SLC7A1: variants seen among roughly 807,000 people sequenced by gnomAD.
SLC7A1 encodes high affinity cationic amino acid transporter 1.
A neutral mutation model predicts 53.9 loss-of-function variants in SLC7A1; 10 were observed. The observed-to-expected ratio is 0.19, with a 90% CI of 0.11 to 0.31. SLC7A1 has a LOEUF of 0.31. Ranked by LOEUF, SLC7A1 falls within the 10% of genes least tolerant of loss-of-function variation. The pLI is 1.00. For synonymous variants in SLC7A1, 342 were observed against 338.7 expected (o/e 1.01, Z -0.11); for missense variants, 525 against 827.2 (o/e 0.63, Z 4.48).
chr13:29,553,480 G>A (rs1870293825), intron 2 of SLC7A1, among the ~76,000 whole-genome samples: 1 of 152,140 alleles, frequency 6.6e-6, no homozygotes, highest in South Asian at 2.1e-4. Flanking sequence ...GCCAGCCGTA[G>A]GATATGAAGA....
At chr13:29,542,458 A>T (rs1238327633) in intron 2 of SLC7A1, among the ~76,000 whole-genome samples, 1 of 151,976 alleles carries the variant, frequency 6.6e-6, no homozygotes, top group African/African-American at 2.4e-5. Flanking sequence ...CTGTCTCAAA[A>T]AAAAAGACTA....
intron 1 of SLC7A1, among the ~76,000 whole-genome samples, chr13:29,571,187 A>G (rs1871175016): frequency 6.6e-6 from 1 of 152,244 alleles, no homozygotes; most frequent in Non-Finnish European, 1.5e-5. Context: ...TGTAATCACC[A>G]AAGTACTATA....
chr13:29,568,594 C>A (rs966055321), intron 1 of SLC7A1, among the ~76,000 whole-genome samples: 15 of 152,230 alleles, frequency 9.9e-5, no homozygotes, highest in African/African-American at 3.6e-4. Flanking sequence ...ACAAAGCACA[C>A]AGGGGAGTGA....
intron 1 of SLC7A1, among the ~76,000 whole-genome samples, chr13:29,580,446 T>C (rs1375088878): frequency 6.6e-6 from 1 of 152,108 alleles, no homozygotes; most frequent in African/African-American, 2.4e-5. Flanking sequence ...ATCTATTCCA[T>C]GTTACCCCTC....
At chr13:29,527,175 A>G (rs1303396966) in intron 5 of SLC7A1, among the ~76,000 whole-genome samples, 1 of 152,260 alleles carries the variant, frequency 6.6e-6, no homozygotes, top group Non-Finnish European at 1.5e-5. Flanking sequence ...AAACAGAAAT[A>G]AAATATACAT....
intron 2 of SLC7A1, among the ~76,000 whole-genome samples, chr13:29,552,254 C>CACACACAG (rs1491349280): frequency 2.1e-5 from 3 of 140,390 alleles, no homozygotes; most frequent in African/African-American, 7.7e-5. Context: ...CACACACACA[C>CACACACAG]AGACACACAC....
chr13:29,560,662 A>G (rs1870717242), intron 1 of SLC7A1, among the ~76,000 whole-genome samples: 1 of 152,180 alleles, frequency 6.6e-6, no homozygotes, highest in Admixed American at 6.5e-5. Context: ...CCAAAAACAC[A>G]TGAGTAACGT....
intron 3 of SLC7A1, among the ~76,000 whole-genome samples, chr13:29,533,438 T>C (rs1399566305): frequency 6.6e-6 from 1 of 152,206 alleles, no homozygotes; most frequent in African/African-American, 2.4e-5. Flanking sequence ...GCCTCTTTTC[T>C]AGGAACCCCT....
At chr13:29,531,989 T>C (rs1223514310) in intron 4 of SLC7A1, among the ~76,000 whole-genome samples, 1 of 152,148 alleles carries the variant, frequency 6.6e-6, no homozygotes, top group African/African-American at 2.4e-5. Flanking sequence ...CCCTCTCAGG[T>C]TTATTAAAAT....
intron 2 of SLC7A1, 134 bp from the exon 3 acceptor site, chr13:29,536,336 A>G: frequency 1.1e-6 from 1 of 931,198 alleles, no homozygotes; most frequent in Non-Finnish European, 1.6e-6. Context: ...TTTAATTCGT[A>G]GAATTCCACC....
chr13:29,537,172 G>A (rs1356120775), intron 2 of SLC7A1, among the ~76,000 whole-genome samples: 2 of 152,228 alleles, frequency 1.3e-5, no homozygotes, highest in Non-Finnish European at 2.9e-5. Flanking sequence ...GGATGGAAGG[G>A]TGGGGGTGGG....
intron 1 of SLC7A1, among the ~76,000 whole-genome samples, chr13:29,581,646 G>C (rs781191381): frequency 2.6e-5 from 4 of 152,198 alleles, no homozygotes; most frequent in African/African-American, 4.8e-5. Context: ...TTACGGGCAA[G>C]GGTCCCTGGA....
In SLC7A1 at chr13:29,563,777, AGATGCT is replaced by A. The variant is rs201900999; in HGVS notation, c.-114-9923_-114-9918del. Among the ~76,000 whole-genome samples the A allele has an allele frequency of 7.0e-3, 1,071 of 152,346 alleles. 38 individuals are homozygous for A. The highest frequency in any genetic ancestry group is 0.058 in the Admixed American group (890 of 15,294). ...GATACCCATCCCCACTTTATGGATG[AGATGCT>A]GATGCTCAGGAAAGGTAGCTCAACT... On this transcript the variant is annotated intron_variant, in intron 1 of 12. Coordinates refer to ENST00000380752, the MANE Select transcript of SLC7A1 (RefSeq NM_003045.5).
In SLC7A1 at chr13:29,566,601, C is replaced by T. The variant is rs372185674; in HGVS notation, c.-114-12741G>A. Among the ~76,000 whole-genome samples, 32 of 152,218 alleles carry T rather than the reference C, an allele frequency of 2.1e-4. 1 individual carries two copies. The highest frequency in any genetic ancestry group is 1.1e-3 in the Admixed American group (17 of 15,290). ...TAAAAAGGAAATAAGTGGTTGTGTA[C>T]GGCTTGGCTACGGGTGGGGAATGAC... On this transcript the variant is annotated intron_variant, in intron 1 of 12. Coordinates refer to ENST00000380752, the MANE Select transcript of SLC7A1 (RefSeq NM_003045.5).
intron 1 of SLC7A1, among the ~76,000 whole-genome samples, chr13:29,576,293 T>TTTAAAAAAAAA (rs552407983): frequency 8.0e-6 from 1 of 124,954 alleles, no homozygotes; most frequent in African/African-American, 3.7e-5. Flanking sequence ...TCCTGTTTTT[T>TTTAAAAAAAAA]AAAAAAAAAA....
intron 1 of SLC7A1, among the ~76,000 whole-genome samples, chr13:29,592,925 C>T (rs555281452): frequency 4.2e-4 from 64 of 152,146 alleles, no homozygotes; most frequent in African/African-American, 1.4e-3. Context: ...CACCAGGCGG[C>T]CCACTAGAAG....
chr13:29,572,811 C>T (rs1302811045), intron 1 of SLC7A1, among the ~76,000 whole-genome samples: 1 of 152,156 alleles, frequency 6.6e-6, no homozygotes, highest in African/African-American at 2.4e-5. Flanking sequence ...TGGGACTGTG[C>T]ACACCAACCA....
At chr13:29,579,737 G>T (rs1871561498) in intron 1 of SLC7A1, among the ~76,000 whole-genome samples, 1 of 152,050 alleles carries the variant, frequency 6.6e-6, no homozygotes, top group Non-Finnish European at 1.5e-5. Context: ...ATTCTGAACG[G>T]CCCAAGTTCC....
At position 29,509,811 on chromosome 13, in the gene SLC7A1, G is replaced by A. The variant is rs571794903; in HGVS notation, c.*4669C>T. 3.3e-5 allele frequency: 5 copies of A among 152,476 alleles called. No individual in the cohort carries two copies. Among genetic ancestry groups the A allele is most frequent in the African/African-American group, 9.7e-5 (4 of 41,408 alleles). The allele number at this position is 152,476 out of a possible 1,614,324, so 9.4% of individuals were successfully genotyped here. ...GTTCAGTAGAAGAAAATATTTACTG[G>A]AGAAACCACAGCTATTCAGGTTTGA... On this transcript the variant is annotated 3_prime_UTR_variant, in exon 13 of 13. Coordinates refer to ENST00000380752, the MANE Select transcript of SLC7A1 (RefSeq NM_003045.5).
Sources: allele counts gnomAD v4.1 joint callset (sites outside exome capture counted in the v4.1 genomes callset), GRCh38; gene constraint gnomAD v4.1.1; transcripts MANE v1.5; gene names NCBI Gene and HGNC (gene_info 2026-07-23, HGNC 2026-07-21).